Variants in KIF3A observed in about 807,000 individuals in gnomAD.
KIF3A encodes the protein kinesin family member 3A.
KIF3A carries 27 observed loss-of-function variants against 92.6 expected under a neutral mutation model. The observed-to-expected ratio is 0.29, with a 90% CI of 0.21 to 0.40. KIF3A has a LOEUF of 0.40. Ranked by LOEUF, KIF3A falls within the 10% of genes least tolerant of loss-of-function variation. The pLI, the probability that KIF3A is intolerant of heterozygous loss-of-function variation, is 1.00. For synonymous variants in KIF3A, 250 were observed against 275.4 expected (o/e 0.91, Z 0.92); for missense variants, 581 against 872.6 (o/e 0.67, Z 4.21).
At position 132,702,908 on chromosome 5, in the gene KIF3A, G is replaced by A. The variant is rs747321861; in HGVS notation, c.1624C>T (p.Arg542Cys). Residue 542 changes from arginine (R) to cysteine (C), a missense_variant, in exon 13 of 19, where the codon CGC becomes TGC. Arg to Cys is a radical substitution (Grantham distance 180, BLOSUM62 -3). This residue lies in a region of KIF3A where 45 missense variants were observed against 115.8 expected (regional missense o/e 0.39). Transcript: ENST00000403231. ...EERRKRAEQL[R>C]RELEEKEQER... ...ACCTCTTTTTCCTCAAGTTCTCTGC[G>A]AAGTTGCTCTGCTCTTTTCCTCCTT... 11 of 1,613,208 alleles carry A rather than the reference G, an allele frequency of 6.8e-6. No individual in the cohort carries two copies. Among genetic ancestry groups the A allele is most frequent in the Non-Finnish European group, 8.5e-6 (10 of 1,179,714 alleles).
In KIF3A at chr5:132,694,177, TG is replaced by T. The variant is rs1473399865; in HGVS notation, c.*2456del. On this transcript the variant is annotated 3_prime_UTR_variant, in exon 19 of 19. Transcript: ENST00000403231. ...CAGCACTTCGGGAGCCTGAGGCGGGTGGATCACTTAAGCTCTAGGAGTTCAA... is the reference window on the plus strand; with the variant it reads ...CAGCACTTCGGGAGCCTGAGGCGGGTGATCACTTAAGCTCTAGGAGTTCAA... The T allele has an allele frequency of 4.6e-5, 7 of 151,276 alleles. No homozygotes were observed. The highest frequency in any genetic ancestry group is 2.0e-4 in the Admixed American group (3 of 15,162). 9.4% of individuals were successfully genotyped at this position (151,276 alleles called of 1,614,324 possible).
intron 15 of KIF3A, 65 bp from the exon 16 acceptor site, chr5:132,700,765 A>C: frequency 2.0e-6 from 2 of 994,482 alleles, no homozygotes; most frequent in Non-Finnish European, 1.6e-6. Context: ...TTGAAGTCAT[A>C]AAACTAAAAT....
At chr5:132,733,223 T>C (rs944467501) in intron 2 of KIF3A, among the ~76,000 whole-genome samples, 4 of 152,190 alleles carry the variant, frequency 2.6e-5, no homozygotes, top group African/African-American at 9.6e-5. Context: ...ACATTGTAAA[T>C]GTACCTATGA....
At chr5:132,729,642 C>T (rs1338808744) in intron 2 of KIF3A, among the ~76,000 whole-genome samples, 1 of 152,078 alleles carries the variant, frequency 6.6e-6, no homozygotes, top group Middle Eastern at 3.2e-3. Context: ...TAACACATTT[C>T]TAAATAACCC....
Position 132,693,550 on chromosome 5 carries a change from G to A in KIF3A, c.*3084C>T, listed in dbSNP as rs574817802. On this transcript the variant is annotated 3_prime_UTR_variant, in exon 19 of 19. Transcript: ENST00000403231. ...AGTGTGTTCATCTATATCGTCTCAC[G>A]AAATTAACACTGACCTTACAACATA... The A allele has an allele frequency of 2.6e-5, 4 of 152,602 alleles. No individual in the cohort carries two copies. Among genetic ancestry groups the A allele is most frequent in the Middle Eastern group, 3.2e-3 (1 of 316 alleles). The allele number at this position is 152,602 out of a possible 1,614,324, so 9.5% of individuals were successfully genotyped here.
At chr5:132,727,326 T>C (rs1027804923) in intron 2 of KIF3A, among the ~76,000 whole-genome samples, 2 of 152,158 alleles carry the variant, frequency 1.3e-5, no homozygotes, top group African/African-American at 2.4e-5. Context: ...GGGTTTATCA[T>C]GATGATGAGT....
intron 4 of KIF3A, among the ~76,000 whole-genome samples, chr5:132,721,765 C>A (rs995060881): frequency 6.6e-6 from 1 of 151,394 alleles, no homozygotes; most frequent in African/African-American, 2.4e-5. Context: ...GGATTTCAGA[C>A]CTTGCTCTGA....
chr5:132,702,509 T>C, intron 14 of KIF3A, 49 bp downstream of exon 14: 3 of 1,082,098 alleles, frequency 2.8e-6, no homozygotes, highest in Non-Finnish European at 1.3e-6. Flanking sequence ...AGAACTCCCT[T>C]TTAAAAAATC....
In KIF3A at chr5:132,737,422, TG is replaced by T. The variant is rs1205845636; in HGVS notation, c.-4del. 1.9e-6 allele frequency: 3 copies of T among 1,607,578 alleles called. No homozygotes were observed. The Admixed American group carries it at 5.1e-5, about 27-fold the overall frequency. ...GAAGCGACTCTCCTCACCGGCATCT[TG>T]GCCCCCTCCCGTGCCCGGCGGACGT... On this transcript the variant is annotated 5_prime_UTR_variant, in exon 1 of 19. Coordinates refer to ENST00000403231, the MANE Select transcript of KIF3A (RefSeq NM_001300791.2).
chr5:132,699,239 A>G lies in KIF3A; in HGVS notation c.2064T>C (p.Arg688=), dbSNP rs1230805653. The G allele has an allele frequency of 2.5e-6, 4 of 1,613,682 alleles. No homozygotes were observed. In the African/African-American group the frequency reaches 5.3e-5, roughly 22 times the overall value. The change falls in exon 18 of 19, where the codon CGT becomes CGC. Residue 688 remains arginine (R), a synonymous_variant. Coordinates refer to ENST00000403231, the MANE Select transcript of KIF3A (RefSeq NM_001300791.2). ...VYLAYTEESL[R]QSLMKLERPR... is the part of the protein sequence containing the mutation. ...GTCTTTCTAGTTTCATCAAAGACTG[A>G]CGCAGACTCTCCTCAGTATAGGCAA...
rs750726917 is a variant in KIF3A at position 132,703,552 on chromosome 5, T to C, written c.1377A>G (p.Ala459=). The C allele has an allele frequency of 1.3e-5, 21 of 1,612,508 alleles. No homozygotes were observed. Among genetic ancestry groups the C allele is most frequent in the Non-Finnish European group, 1.7e-5 (20 of 1,179,098 alleles). The change falls in exon 12 of 19, where the codon GCA becomes GCG. Residue 459 remains alanine (A), a synonymous_variant. Transcript: ENST00000403231. ...CTTCCATGTCGAGCTTTGTTTCAAG[T>C]GCTTTTCTCTCCTCATCAATTTTTG... ...MQAKIDEERK[A]LETKLDMEEE...
intron 15 of KIF3A, among the ~76,000 whole-genome samples, chr5:132,701,511 A>G (rs1192856453): frequency 6.6e-6 from 1 of 151,718 alleles, no homozygotes; most frequent in African/African-American, 2.4e-5. Context: ...ACAAAAAAAA[A>G]AAAAAAAAAA....
At chr5:132,708,049 C>T (rs575834844) in intron 10 of KIF3A, among the ~76,000 whole-genome samples, 5 of 152,010 alleles carry the variant, frequency 3.3e-5, no homozygotes, top group East Asian at 1.9e-4. Flanking sequence ...TTTGGGAGGC[C>T]GAGGCGGGCA....
At chr5:132,690,752 C>T (rs1374115492), downstream of KIF3A, among the ~76,000 whole-genome samples, 2 of 151,906 alleles carry the variant, frequency 1.3e-5, no homozygotes, top group East Asian at 3.9e-4. Context: ...ACGGTGAAAC[C>T]CCGTCTCTAC....
At chr5:132,721,404 T>G (rs1453254322) in intron 4 of KIF3A, 1 of 152,214 alleles carries the variant, frequency 6.6e-6, no homozygotes, top group East Asian at 1.9e-4. Context: ...AAATTCACTT[T>G]GGAAGGCTCA....
rs761670868 is a variant in KIF3A at position 132,703,050 on chromosome 5, A to G, written c.1482T>C (p.Ser494=). The change falls in exon 13 of 19, where the codon TCT becomes TCC. Residue 494 remains serine, a synonymous_variant. Transcript: ENST00000403231. The part of the protein sequence containing the change: ...DLLKAQQEHQ[S]LLEKLSALEK... ...CCAGGGCAGATAATTTTTCCAGCAA[A>G]GACTGATGCTCTTGTCTGTTGATTA... 1 of 1,610,978 alleles carries G rather than the reference A, an allele frequency of 6.2e-7. No homozygotes were observed. Among genetic ancestry groups the G allele is most frequent in the South Asian group, 1.1e-5 (1 of 90,340 alleles).
chr5:132,723,388 G>C (rs761888733), intron 4 of KIF3A: 8 of 152,194 alleles, frequency 5.3e-5, no homozygotes, highest in Non-Finnish European at 1.2e-4. Flanking sequence ...CACACTACCT[G>C]ACTTCAAACT....
Position 132,695,134 on chromosome 5 carries a change from T to TA in KIF3A, c.*1499dup, listed in dbSNP as rs1298601949. On this transcript the variant is annotated 3_prime_UTR_variant, in exon 19 of 19. Coordinates refer to ENST00000403231, the MANE Select transcript of KIF3A (RefSeq NM_001300791.2). Reference sequence around the variant, plus strand: ...ACATAATTTTGAAAACCACAAAACATATATTAAGTGGTTTAGGAGTAGCAT... The same window carrying TA: ...ACATAATTTTGAAAACCACAAAACATAATATTAAGTGGTTTAGGAGTAGCAT... The TA allele has an allele frequency of 6.6e-6, 1 of 152,264 alleles. No homozygotes were observed. Among genetic ancestry groups the TA allele is most frequent in the Non-Finnish European group, 1.5e-5 (1 of 68,020 alleles). 9.4% of individuals were successfully genotyped at this position (152,264 alleles called of 1,614,324 possible). A position where few individuals can be genotyped will look rare whatever the true frequency, so the allele number is the denominator to read the frequency against.
Position 132,728,652 on chromosome 5 carries a change from G to A in KIF3A, c.281-2154C>T, listed in dbSNP as rs188867948. 2.0e-3 allele frequency among the ~76,000 whole-genome samples: 309 copies of A among 152,156 alleles called. 3 individuals are homozygous for A. Among genetic ancestry groups the A allele is most frequent in the African/African-American group, 7.0e-3 (290 of 41,524 alleles). On this transcript the variant is annotated intron_variant, in intron 2 of 18. Transcript: ENST00000403231. ...CTCGGGAAGGTGAAGCACAAGAATT[G>A]CTTGAACCTGGGAGGCGAAGGCTGC...
Sources: allele counts gnomAD v4.1 joint callset (sites outside exome capture counted in the v4.1 genomes callset), GRCh38; gene constraint gnomAD v4.1.1; regional missense constraint gnomAD v4.1.1; transcripts MANE v1.5; gene names NCBI Gene and HGNC (gene_info 2026-07-23, HGNC 2026-07-21).